The following CXADR variants were observed in gnomAD, a reference collection of about 807,000 sequenced individuals.
CXADR encodes the protein coxsackievirus and adenovirus receptor.
CXADR carries 20 observed loss-of-function variants against 40.3 expected under a neutral mutation model. The ratio of observed to expected loss-of-function variants is 0.50; its 90% CI spans 0.35 to 0.72. CXADR has a LOEUF of 0.72. Among genes scored for constraint, CXADR ranks in the 30% least tolerant of loss-of-function variants. The pLI is 0.01. For missense variants in CXADR, 332 were observed against 449.1 expected, an observed-to-expected ratio of 0.74 and a Z score of 2.36; for synonymous variants, 150 against 161.3, an observed-to-expected ratio of 0.93 and a Z score of 0.53.
At chr21:17,592,950 A>AT (rs1316778593) in intron 7 of CXADR, among the ~76,000 whole-genome samples, 4 of 151,992 alleles carry the variant, frequency 2.6e-5, no homozygotes, top group African/African-American at 4.8e-5. Context: ...CTTCCTAAAA[A>AT]TAACAATAAT....
At chr21:17,542,389 A>G (rs1035817099) in intron 1 of CXADR, among the ~76,000 whole-genome samples, 1 of 152,182 alleles carries the variant, frequency 6.6e-6, no homozygotes, top group Non-Finnish European at 1.5e-5. Context: ...TTTGCTTCCA[A>G]TCTTATAGTG....
chr21:17,518,667 T>G, intron 1 of CXADR: 2 of 1,610,350 alleles, frequency 1.2e-6, no homozygotes, highest in Non-Finnish European at 1.7e-6. Context: ...TAAGGCTTGT[T>G]AAACTGTCAG....
the CXADR span, among the ~76,000 whole-genome samples, chr21:17,634,961 C>T: frequency 6.6e-6 from 1 of 152,092 alleles, no homozygotes; most frequent in African/African-American, 2.4e-5. Flanking sequence ...AAGGGGAAGA[C>T]CATTTTAGAA....
chr21:17,548,985 C>G (rs2060933349), intron 2 of CXADR, among the ~76,000 whole-genome samples: 1 of 152,132 alleles, frequency 6.6e-6, no homozygotes, highest in Non-Finnish European at 1.5e-5. Context: ...AACAGAGCCC[C>G]TATTTTAATA....
chr21:17,621,942 G>A, the CXADR span, among the ~76,000 whole-genome samples: 1 of 152,192 alleles, frequency 6.6e-6, no homozygotes, highest in East Asian at 1.9e-4. Context: ...TAATGGTGTA[G>A]GTATATAAAA....
intron 7 of CXADR, among the ~76,000 whole-genome samples, chr21:17,578,993 A>C (rs1013362031): frequency 2.0e-5 from 3 of 152,012 alleles, no homozygotes; most frequent in Non-Finnish European, 2.9e-5. Flanking sequence ...GAGACATCTG[A>C]TTCATAAGAC....
chr21:17,604,445 C>CA, the CXADR span, among the ~76,000 whole-genome samples: 16 of 148,570 alleles, frequency 1.1e-4, no homozygotes, highest in Non-Finnish European at 1.8e-4. Context: ...AACTCCGTCC[C>CA]AAAAAAAAAG....
rs118111098 is a variant in CXADR at position 17,560,391 on chromosome 21, C to T, written c.572-311C>T. On this transcript the variant is annotated intron_variant, in intron 4 of 6. Transcript: ENST00000284878. ...TGCAGGAAAGATCCTTTGTGGAATG[C>T]GGTAGCGTTTATAGTCTTATGTGCC... 2.4e-3 allele frequency among the ~76,000 whole-genome samples: 360 copies of T among 152,260 alleles called. 4 individuals are homozygous for T. The highest frequency in any genetic ancestry group is 4.1e-3 in the Non-Finnish European group (279 of 68,024).
chr21:17,631,298 T>C, the CXADR span, among the ~76,000 whole-genome samples: 5 of 152,196 alleles, frequency 3.3e-5, no homozygotes, highest in African/African-American at 1.2e-4. Flanking sequence ...TCTTAGACTA[T>C]AAAATAAAAC....
At chr21:17,594,832 G>A (rs953182403), downstream of CXADR, among the ~76,000 whole-genome samples, 7 of 152,052 alleles carry the variant, frequency 4.6e-5, no homozygotes, top group African/African-American at 1.2e-4. Context: ...AATAGACATT[G>A]GAGTCTATTT....
At chr21:17,577,874 A>G (rs1364039582) in intron 7 of CXADR, among the ~76,000 whole-genome samples, 1 of 151,924 alleles carries the variant, frequency 6.6e-6, no homozygotes, top group African/African-American at 2.4e-5. Context: ...TATACCTCAT[A>G]AAAGTGGTTT....
At chr21:17,598,121 A>G (rs979034023), downstream of CXADR, among the ~76,000 whole-genome samples, 5 of 152,170 alleles carry the variant, frequency 3.3e-5, no homozygotes, top group African/African-American at 1.2e-4. Context: ...ATGGATCTGT[A>G]AGTGCAGGCA....
At chr21:17,517,289 A>G (rs1326980623) in intron 1 of CXADR, among the ~76,000 whole-genome samples, 4 of 152,222 alleles carry the variant, frequency 2.6e-5, no homozygotes, top group Non-Finnish European at 5.9e-5. Context: ...GTCCTCTTAA[A>G]GGAGGTAAAA....
At position 17,568,690 on chromosome 21, in the gene CXADR, C is replaced by T. The variant is rs2061246898; in HGVS notation, c.*2998C>T. On this transcript the variant is annotated 3_prime_UTR_variant, in exon 7 of 7. Transcript: ENST00000284878. ...ACAGGTGTGAGCCGCAGCATCCAGCCAGTTCTGTACTTTGAATATGGAGTA... is the reference window on the plus strand; with the variant it reads ...ACAGGTGTGAGCCGCAGCATCCAGCTAGTTCTGTACTTTGAATATGGAGTA... 1.0e-6 allele frequency: 1 copy of T among 984,922 alleles called. No individual in the cohort carries two copies. Among genetic ancestry groups the T allele is most frequent in the Non-Finnish European group, 1.2e-6 (1 of 829,906 alleles). The allele number at this position is 984,922 out of a possible 1,614,324, so 61.0% of individuals were successfully genotyped here.
At position 17,568,976 on chromosome 21, in the gene CXADR, C is replaced by T. The variant is rs1815505443; in HGVS notation, c.*3284C>T. 2 of 983,054 alleles carry T rather than the reference C, an allele frequency of 2.0e-6. No individual in the cohort carries two copies. Among genetic ancestry groups the T allele is most frequent in the Non-Finnish European group, 2.4e-6 (2 of 827,962 alleles). 60.9% of individuals were successfully genotyped at this position (983,054 alleles called of 1,614,324 possible). ...ATAGATCATGGATATAAAGAGATAC[C>T]TGATTTTTATTAAAAAGATACTTTT... On this transcript the variant is annotated 3_prime_UTR_variant, in exon 7 of 7. Coordinates refer to ENST00000284878, the MANE Select transcript of CXADR (RefSeq NM_001338.5).
At position 17,551,950 on chromosome 21, in the gene CXADR, C is replaced by T. The variant is rs534495839; in HGVS notation, c.412C>T (p.Leu138Phe). 6.2e-7 allele frequency: 1 copy of T among 1,610,822 alleles called. No individual in the cohort carries two copies. The highest frequency in any genetic ancestry group is 2.2e-5 in the East Asian group (1 of 44,824). Residue 138 changes from leucine (L) to phenylalanine (F), a missense_variant, in exon 3 of 7, where the codon CTT becomes TTT. By Grantham distance (22) the Leu-to-Phe change is conservative. Transcript: ENST00000284878. ...VANKKIHLVV[L>F]VKPSGARCYV... ...AAATAAGAAGATTCATCTGGTAGTT[C>T]TTGGTAAGTTATTTTTATTTGTGTT...
the CXADR span, among the ~76,000 whole-genome samples, chr21:17,635,123 G>A: frequency 8.5e-5 from 13 of 152,222 alleles, no homozygotes; most frequent in South Asian, 2.7e-3. Context: ...AGAATCTGTG[G>A]CATAACTCTC....
At chr21:17,613,051 G>A in the CXADR span, 1 of 151,984 alleles carries the variant, frequency 6.6e-6, no homozygotes. Flanking sequence ...CCACCCCCGA[G>A]CCCCGGGCCT....
intron 1 of CXADR, among the ~76,000 whole-genome samples, chr21:17,517,829 A>G (rs2060479927): frequency 6.6e-6 from 1 of 152,170 alleles, no homozygotes; most frequent in South Asian, 2.1e-4. Context: ...GGCCATTTGG[A>G]GACCAAAAGG....
Sources: allele counts gnomAD v4.1 joint callset (sites outside exome capture counted in the v4.1 genomes callset), GRCh38; gene constraint gnomAD v4.1.1; transcripts MANE v1.5; gene names NCBI Gene and HGNC (gene_info 2026-07-23, HGNC 2026-07-21).